The following CAST variants were observed in gnomAD, a reference collection of about 807,000 sequenced individuals.
CAST encodes the protein MIR583 host.
A neutral mutation model predicts 119.6 loss-of-function variants in CAST; 76 were observed. The ratio of observed to expected loss-of-function variants is 0.64; its 90% confidence interval spans 0.53 to 0.77. The LOEUF (loss-of-function observed/expected upper bound fraction) is 0.77, where lower values mean the gene tolerates loss of function less well. Among genes scored for constraint, CAST ranks in the 30% least tolerant of loss-of-function variants. CAST has a pLI of 0.00. For missense variants in CAST, 953 were observed against 946.5 expected, an observed-to-expected ratio of 1.01 and a Z score of -0.09; for synonymous variants, 319 against 331.6, an observed-to-expected ratio of 0.96 and a Z score of 0.41.
the CAST span, among the ~76,000 whole-genome samples, chr5:96,305,123 C>T: frequency 6.6e-6 from 1 of 152,152 alleles, no homozygotes; most frequent in South Asian, 2.1e-4. Context: ...TCTCTTATTT[C>T]GTTGAGTAGT....
chr5:96,358,539 C>T, the CAST span, among the ~76,000 whole-genome samples: 1 of 152,022 alleles, frequency 6.6e-6, no homozygotes, highest in Non-Finnish European at 1.5e-5. Flanking sequence ...TGTTTTTGTT[C>T]TCATTGGTTT....
At chr5:96,690,240 A>ATT (rs11377115) in intron 2 of CAST, among the ~76,000 whole-genome samples, 34 of 151,008 alleles carry the variant, frequency 2.3e-4, no homozygotes, top group African/African-American at 4.6e-4. Context: ...TTATTTATCT[A>ATT]TTTTTTTTTG....
the CAST span, among the ~76,000 whole-genome samples, chr5:96,472,108 A>G: frequency 0.18 from 26,968 of 152,168 alleles, 3,290 homozygotes; most frequent in Non-Finnish European, 0.27. Flanking sequence ...CACTCAGCCC[A>G]ACTCCTCTAA....
the CAST span, among the ~76,000 whole-genome samples, chr5:96,465,720 T>C: frequency 6.6e-6 from 1 of 152,150 alleles, no homozygotes; most frequent in Admixed American, 6.6e-5. Context: ...CTTTGTCCAA[T>C]TGAGGATGTT....
chr5:96,707,766 A>G (rs1755314355), intron 3 of CAST, among the ~76,000 whole-genome samples: 1 of 152,180 alleles, frequency 6.6e-6, no homozygotes, highest in Non-Finnish European at 1.5e-5. Flanking sequence ...TTAGTATGCA[A>G]GTATTCTCCC....
chr5:96,482,151 T>G, the CAST span, among the ~76,000 whole-genome samples: 2 of 152,124 alleles, frequency 1.3e-5, no homozygotes. Context: ...TGCTGAAGAT[T>G]TTCTTATCCA....
chr5:96,695,213 C>T (rs1753137130), intron 2 of CAST, among the ~76,000 whole-genome samples: 1 of 152,152 alleles, frequency 6.6e-6, no homozygotes, highest in Admixed American at 6.5e-5. Flanking sequence ...TATCTTGTTA[C>T]TCATGGTATT....
chr5:96,268,396 A>T, the CAST span, among the ~76,000 whole-genome samples: 10 of 152,028 alleles, frequency 6.6e-5, no homozygotes, highest in Non-Finnish European at 1.5e-4. Flanking sequence ...AACATAGCAA[A>T]ACCCCATCTC....
At chr5:96,426,640 A>C in the CAST span, among the ~76,000 whole-genome samples, 8 of 152,330 alleles carry the variant, frequency 5.3e-5, no homozygotes, top group East Asian at 1.5e-3. Flanking sequence ...TGAGAGAGTG[A>C]GGGGCTGCCT....
At chr5:96,333,552 G>A in the CAST span, among the ~76,000 whole-genome samples, 26 of 152,104 alleles carry the variant, frequency 1.7e-4, no homozygotes, top group Non-Finnish European at 3.1e-4. Context: ...TCTGATCTGG[G>A]CAGCCTCCTG....
Position 96,662,413 on chromosome 5 carries a change from C to T in CAST, c.-10C>T, listed in dbSNP as rs1424356604. ...GCATTCCGGGAGGCAGCGGCCGCAG[C>T]GGCCTCGCCATGTCCCAGCCCGGCC... On this transcript the variant is annotated 5_prime_UTR_variant, in exon 1 of 32. Transcript: ENST00000675179. 11 of 1,437,684 alleles carry T rather than the reference C, an allele frequency of 7.7e-6. No homozygotes were observed. In the South Asian group the frequency reaches 1.2e-4, roughly 16 times the overall value. The allele number at this position is 1,437,684 out of a possible 1,614,324, so 89.1% of individuals were successfully genotyped here. A position where few individuals can be genotyped will look rare whatever the true frequency, so the allele number is the denominator to read the frequency against.
chr5:96,477,419 A>G, the CAST span, among the ~76,000 whole-genome samples: 1 of 152,174 alleles, frequency 6.6e-6, no homozygotes, highest in Non-Finnish European at 1.5e-5. Context: ...TTGGTTAACT[A>G]GTGACTCTGT....
intron 1 of CAST, among the ~76,000 whole-genome samples, chr5:96,536,031 GTTTTTTTTTTT>G (rs533558053): frequency 9.6e-6 from 1 of 103,856 alleles, no homozygotes; most frequent in African/African-American, 4.0e-5. Context: ...AATATTTAAG[GTTTTTTTTTTT>G]TTTTTTTTTT....
chr5:96,512,868 C>T, the CAST span, among the ~76,000 whole-genome samples: 22 of 152,114 alleles, frequency 1.4e-4, no homozygotes, highest in African/African-American at 2.7e-4. Context: ...GGAACACAAA[C>T]GAAGATTTTT....
chr5:96,491,596 C>T, the CAST span, among the ~76,000 whole-genome samples: 3 of 149,340 alleles, frequency 2.0e-5, no homozygotes, highest in Non-Finnish European at 4.4e-5. Context: ...TAGAAATGAC[C>T]ATGTTAGAAA....
intron 22 of CAST, 122 bp from the exon 23 acceptor site, chr5:96,757,322 G>A (rs1581313425): frequency 1.1e-6 from 1 of 885,742 alleles, no homozygotes; most frequent in Admixed American, 1.9e-5. Flanking sequence ...TGACATGATG[G>A]ATCTAATTTA....
At chr5:96,317,154 C>T in the CAST span, among the ~76,000 whole-genome samples, 1 of 152,008 alleles carries the variant, frequency 6.6e-6, no homozygotes, top group Non-Finnish European at 1.5e-5. Context: ...TAAAGCAAGT[C>T]ACACGTACAT....
At chr5:96,612,128 G>A (rs261199) in intron 1 of CAST, among the ~76,000 whole-genome samples, 55,965 of 152,018 alleles carry the variant, frequency 0.37, 11,046 homozygotes, top group Admixed American at 0.45. Flanking sequence ...TTCTACTAAA[G>A]CTATTCCTGT....
chr5:96,364,802 G>GT, the CAST span, among the ~76,000 whole-genome samples: 6 of 152,126 alleles, frequency 3.9e-5, no homozygotes, highest in African/African-American at 1.4e-4. Context: ...TTTTGGAAGG[G>GT]TTTTTTGTGT....
Sources: gnomAD v4.1 joint callset for allele counts (sites outside exome capture counted in the v4.1 genomes callset) on GRCh38, gnomAD v4.1.1 for gene constraint, MANE v1.5 for transcripts, NCBI Gene and HGNC (gene_info 2026-07-23, HGNC 2026-07-21) for gene names.